The following PLEKHA7 variants were observed in gnomAD, a reference collection of about 807,000 sequenced individuals.
The protein encoded by PLEKHA7 is pleckstrin homology domain-containing family A member 7.
PLEKHA7 carries 104 observed loss-of-function variants against 170.0 expected under a neutral mutation model. The ratio of observed to expected loss-of-function variants is 0.61; its 90% CI spans 0.52 to 0.72. The LOEUF is 0.72. PLEKHA7 is among the 30% of genes least tolerant of loss of function. The pLI is 0.00. For missense variants in PLEKHA7, 1,615 were observed against 1,671.7 expected (o/e 0.97, Z 0.59); for synonymous variants, 648 against 660.8 (o/e 0.98, Z 0.30).
At chr11:16,983,010 A>C (rs940782615) in intron 3 of PLEKHA7, among the ~76,000 whole-genome samples, 1 of 152,208 alleles carries the variant, frequency 6.6e-6, no homozygotes, top group African/African-American at 2.4e-5. Flanking sequence ...CATGTGCTCT[A>C]TTAAGCTTTC....
At chr11:16,902,772 G>C (rs1160878035) in intron 3 of PLEKHA7, among the ~76,000 whole-genome samples, 1 of 152,162 alleles carries the variant, frequency 6.6e-6, no homozygotes, top group Non-Finnish European at 1.5e-5. Context: ...TTCCTTCTCT[G>C]CAATGTAGAG....
chr11:16,875,897 A>T (rs1289783371), intron 3 of PLEKHA7, among the ~76,000 whole-genome samples: 1 of 152,180 alleles, frequency 6.6e-6, no homozygotes, highest in African/African-American at 2.4e-5. Flanking sequence ...TCACCACACC[A>T]GGCTCCAAAT....
intron 10 of PLEKHA7, among the ~76,000 whole-genome samples, chr11:16,821,948 C>T (rs1164279856): frequency 6.6e-6 from 1 of 152,136 alleles, no homozygotes; most frequent in Non-Finnish European, 1.5e-5. Flanking sequence ...ATGAGCTGTT[C>T]TCCTCTACAG....
chr11:16,887,851 G>A (rs555592126), intron 3 of PLEKHA7, among the ~76,000 whole-genome samples: 2 of 152,092 alleles, frequency 1.3e-5, no homozygotes, highest in South Asian at 4.1e-4. Flanking sequence ...CTGCCTGGCC[G>A]CCCATCATCT....
intron 3 of PLEKHA7, among the ~76,000 whole-genome samples, chr11:16,958,764 G>C (rs957290117): frequency 1.3e-5 from 2 of 152,182 alleles, no homozygotes; most frequent in African/African-American, 4.8e-5. Flanking sequence ...ATAATCCTAG[G>C]ATGGTAGGAT....
At chr11:16,897,954 C>A (rs1235197920) in intron 3 of PLEKHA7, among the ~76,000 whole-genome samples, 1 of 152,138 alleles carries the variant, frequency 6.6e-6, no homozygotes, top group East Asian at 1.9e-4. Flanking sequence ...TCAGATATCA[C>A]CATGACAACC....
intron 13 of PLEKHA7, among the ~76,000 whole-genome samples, chr11:16,805,797 AAAAAAAAAAACAAAAAC>A (rs1385546580): frequency 7.3e-5 from 11 of 151,050 alleles, no homozygotes; most frequent in Admixed American, 7.2e-4. Flanking sequence ...GTCAAAAAAA[AAAAAAAAAAACAAAAAC>A]AAAAACAAAA....
At chr11:16,928,760 G>A (rs1859735240) in intron 3 of PLEKHA7, among the ~76,000 whole-genome samples, 1 of 152,014 alleles carries the variant, frequency 6.6e-6, no homozygotes, top group Non-Finnish European at 1.5e-5. Context: ...TGGCCCTCAT[G>A]TAGATTTTTG....
intron 10 of PLEKHA7, among the ~76,000 whole-genome samples, chr11:16,825,148 G>A (rs1441601637): frequency 6.6e-6 from 1 of 152,210 alleles, no homozygotes; most frequent in Non-Finnish European, 1.5e-5. Flanking sequence ...AGCTGGACCA[G>A]ATTAAAGAGG....
At chr11:16,829,854 T>C (rs1354080779) in intron 9 of PLEKHA7, among the ~76,000 whole-genome samples, 2 of 108,760 alleles carry the variant, frequency 1.8e-5, no homozygotes, top group Admixed American at 1.9e-4. Context: ...AGGTTTCTTT[T>C]TTCTTTTTTC....
intron 3 of PLEKHA7, among the ~76,000 whole-genome samples, chr11:16,896,451 G>A (rs1856999529): frequency 6.6e-6 from 1 of 152,074 alleles, no homozygotes; most frequent in South Asian, 2.1e-4. Flanking sequence ...AATGCTGGAA[G>A]GCATCCTACC....
rs538376539 is a variant in PLEKHA7, at chr11:16,791,849, A to T, written c.2746-650T>A. On this transcript the variant is annotated intron_variant, in intron 19 of 26. Transcript: ENST00000531066. The surrounding 1 kb of genome is among the most constrained non-coding windows in gnomAD (Gnocchi z 4.5). ...TGTGATGAATGCAACATTTTCCTTGAAACTCCCTGTCCACAGTGTTCTGTG... is the reference window on the plus strand; with the variant it reads ...TGTGATGAATGCAACATTTTCCTTGTAACTCCCTGTCCACAGTGTTCTGTG... 2 of 373,360 alleles carry T rather than the reference A, an allele frequency of 5.4e-6. No homozygotes were observed. Among genetic ancestry groups the T allele is most frequent in the Non-Finnish European group, 1.1e-5 (2 of 186,134 alleles). 23.1% of individuals were successfully genotyped at this position (373,360 alleles called of 1,614,324 possible). A position where few individuals can be genotyped will look rare whatever the true frequency, so the allele number is the denominator to read the frequency against.
chr11:16,835,894 G>A (rs1007138124), intron 9 of PLEKHA7, among the ~76,000 whole-genome samples: 3 of 152,136 alleles, frequency 2.0e-5, no homozygotes, highest in Admixed American at 6.5e-5. Context: ...AGCCATTTCT[G>A]CCCATAGTCC....
At chr11:16,930,392 G>C (rs770191623) in intron 3 of PLEKHA7, among the ~76,000 whole-genome samples, 136 of 152,134 alleles carry the variant, frequency 8.9e-4, no homozygotes, top group Non-Finnish European at 1.5e-3. Flanking sequence ...ATTACAATGA[G>C]CTATGATTGT....
rs1444448309 is a variant in PLEKHA7, at chr11:16,798,864, C to A, written c.2409+2110G>T. Among the ~76,000 whole-genome samples the A allele has an allele frequency of 2.7e-5, 4 of 149,244 alleles. No homozygotes were observed. The East Asian group carries it at 7.7e-4, about 29-fold the overall frequency. On this transcript the variant is annotated intron_variant, in intron 17 of 26. Transcript: ENST00000531066. Reference sequence around the variant, plus strand: ...GCAGTTACACAAATCCTTATCACACCACCATTTATAAAAGCAAAACGCTGA... The same window carrying A: ...GCAGTTACACAAATCCTTATCACACAACCATTTATAAAAGCAAAACGCTGA...
At chr11:16,926,524 A>G (rs1157671405) in intron 3 of PLEKHA7, among the ~76,000 whole-genome samples, 1 of 152,230 alleles carries the variant, frequency 6.6e-6, no homozygotes, top group Admixed American at 6.5e-5. Flanking sequence ...CCTATATTAA[A>G]TACAGAACAA....
intron 3 of PLEKHA7, among the ~76,000 whole-genome samples, chr11:16,877,304 T>G (rs1855374556): frequency 6.6e-6 from 1 of 152,164 alleles, no homozygotes; most frequent in East Asian, 1.9e-4. Context: ...CTGGATAACC[T>G]AATAATGTTC....
intron 3 of PLEKHA7, among the ~76,000 whole-genome samples, chr11:16,911,112 TGTTATAG>T: frequency 6.6e-6 from 1 of 152,348 alleles, no homozygotes; most frequent in East Asian, 1.9e-4. Flanking sequence ...AAGAGGAATC[TGTTATAG>T]GTGATTAGCA....
Position 16,978,408 on chromosome 11 carries a change from A to G in PLEKHA7, c.221+35581T>C, listed in dbSNP as rs1863201978. On this transcript the variant is annotated intron_variant, in intron 3 of 26. Coordinates refer to ENST00000531066, the MANE Select transcript of PLEKHA7 (RefSeq NM_001329630.2). Reference sequence around the variant, plus strand: ...GTTACATGAGTAACAAGAGAGAGAAAGTCAATCACAGGGAAAGAGGTGTAG... The same window carrying G: ...GTTACATGAGTAACAAGAGAGAGAAGGTCAATCACAGGGAAAGAGGTGTAG... Among the ~76,000 whole-genome samples, 4 of 152,230 alleles carry G rather than the reference A, an allele frequency of 2.6e-5. No homozygotes were observed. The South Asian group carries it at 8.3e-4, about 32-fold the overall frequency.
Sources: gnomAD v4.1 joint callset for allele counts (sites outside exome capture counted in the v4.1 genomes callset) on GRCh38, gnomAD v4.1.1 for gene constraint, Gnocchi (gnomAD v3.1) non-coding constraint, MANE v1.5 for transcripts, NCBI Gene and HGNC (gene_info 2026-07-23, HGNC 2026-07-21) for gene names.